Variants in LYPLAL1 observed in about 807,000 individuals in gnomAD.
LYPLAL1 encodes lysophospholipase-like protein 1.
LYPLAL1 carries 23 observed loss-of-function variants against 19.7 expected under a neutral mutation model. The ratio of observed to expected loss-of-function variants is 1.17; its 90% CI spans 0.84 to 1.65. LYPLAL1 has a LOEUF of 1.65. LYPLAL1 is among the 40% of genes most tolerant of loss of function. LYPLAL1 has a pLI of 0.00. For missense variants in LYPLAL1, 355 were observed against 279.4 expected (o/e 1.27, Z -1.93); for synonymous variants, 119 against 96.3 (o/e 1.24, Z -1.38).
At chr1:219,361,569 G>T in the LYPLAL1 span, among the ~76,000 whole-genome samples, 1 of 151,902 alleles carries the variant, frequency 6.6e-6, no homozygotes, top group South Asian at 2.1e-4. Flanking sequence ...TCCAGGCTTT[G>T]GGCTCCTTCA....
rs79689827 is a variant in LYPLAL1, at chr1:219,187,253, G to C, written c.192-5829G>C. On this transcript the variant is annotated intron_variant, in intron 2 of 4. Coordinates refer to ENST00000366928, the MANE Select transcript of LYPLAL1 (RefSeq NM_138794.5). ...CTATTACAGCATATAAGTGTGTTTT[G>C]ATTAAATTGTGAATTACCATTTTGA... 4.0e-4 allele frequency among the ~76,000 whole-genome samples: 60 copies of C among 151,620 alleles called. No individual in the cohort carries two copies. The East Asian group carries it at 0.011, about 28-fold the overall frequency.
At chr1:219,190,009 G>A (rs147319187) in intron 2 of LYPLAL1, among the ~76,000 whole-genome samples, 14 of 151,474 alleles carry the variant, frequency 9.2e-5, no homozygotes, top group African/African-American at 2.9e-4. Flanking sequence ...TATGATTAAC[G>A]TTATATACTA....
chr1:219,406,458 G>T, the LYPLAL1 span, among the ~76,000 whole-genome samples: 1 of 152,160 alleles, frequency 6.6e-6, no homozygotes, highest in Admixed American at 6.5e-5. Context: ...TGGTTAATAA[G>T]ATTAGGACCT....
At chr1:219,258,836 C>G in the LYPLAL1 span, among the ~76,000 whole-genome samples, 1 of 151,924 alleles carries the variant, frequency 6.6e-6, no homozygotes, top group Non-Finnish European at 1.5e-5. Context: ...AACAGATAAC[C>G]CACAGAGTGG....
At chr1:219,251,033 G>T in the LYPLAL1 span, among the ~76,000 whole-genome samples, 1 of 152,030 alleles carries the variant, frequency 6.6e-6, no homozygotes, top group Non-Finnish European at 1.5e-5. Flanking sequence ...TTATGGCTTT[G>T]ATTTTCATTT....
the LYPLAL1 span, among the ~76,000 whole-genome samples, chr1:219,300,957 T>C: frequency 6.6e-6 from 1 of 151,954 alleles, no homozygotes; most frequent in South Asian, 2.1e-4. Flanking sequence ...AGTGGTGGCA[T>C]GCACCTGCAG....
the LYPLAL1 span, among the ~76,000 whole-genome samples, chr1:219,280,067 A>T: frequency 1.3e-5 from 2 of 152,240 alleles, no homozygotes; most frequent in Non-Finnish European, 2.9e-5. Flanking sequence ...TGAATATTAC[A>T]TAGGCAGACA....
the LYPLAL1 span, among the ~76,000 whole-genome samples, chr1:219,379,147 C>T: frequency 6.6e-6 from 1 of 152,040 alleles, no homozygotes; most frequent in Non-Finnish European, 1.5e-5. Flanking sequence ...AACAAATGTC[C>T]TAAGGGGATT....
chr1:219,250,258 T>C, the LYPLAL1 span, among the ~76,000 whole-genome samples: 1 of 151,926 alleles, frequency 6.6e-6, no homozygotes, highest in Non-Finnish European at 1.5e-5. Context: ...CATAGAACCA[T>C]TTACTGAAAT....
chr1:219,284,718 A>G, the LYPLAL1 span, among the ~76,000 whole-genome samples: 1 of 152,192 alleles, frequency 6.6e-6, no homozygotes, highest in Non-Finnish European at 1.5e-5. Context: ...CTTTATTTTA[A>G]AGATGCAGAA....
At chr1:219,392,878 C>T in the LYPLAL1 span, among the ~76,000 whole-genome samples, 5 of 152,082 alleles carry the variant, frequency 3.3e-5, no homozygotes, top group Admixed American at 6.5e-5. Context: ...ATAAAACTAA[C>T]TCAGATACCT....
the LYPLAL1 span, chr1:219,437,028 G>A: frequency 4.5e-4 from 68 of 152,334 alleles, 1 homozygote; most frequent in African/African-American, 1.2e-3. Flanking sequence ...CTGGGTGCCT[G>A]TGAAGTTCTA....
At chr1:219,440,358 G>A in the LYPLAL1 span, among the ~76,000 whole-genome samples, 1 of 151,972 alleles carries the variant, frequency 6.6e-6, no homozygotes. Context: ...ACCCAGGATC[G>A]ATGTGTATTC....
chr1:219,342,694 A>G, the LYPLAL1 span, among the ~76,000 whole-genome samples: 1 of 152,200 alleles, frequency 6.6e-6, no homozygotes, highest in Non-Finnish European at 1.5e-5. Flanking sequence ...CTGCATAAAG[A>G]CAAGACTGCT....
rs559049493 is a variant in LYPLAL1, at chr1:219,212,165, T to C, written c.*437T>C. ...AGGTTTATAAACCGGTTTCACATTA[T>C]TTCATTTGATCATCACAAGAGCTTT... On this transcript the variant is annotated 3_prime_UTR_variant, in exon 5 of 5. Transcript: ENST00000366928. 6.5e-6 allele frequency: 1 copy of C among 153,336 alleles called. No individual in the cohort carries two copies. The highest frequency in any genetic ancestry group is 2.0e-4 in the South Asian group (1 of 4,904). 9.5% of individuals were successfully genotyped at this position (153,336 alleles called of 1,614,324 possible).
the LYPLAL1 span, among the ~76,000 whole-genome samples, chr1:219,336,398 T>G: frequency 1.3e-5 from 2 of 151,872 alleles, no homozygotes; most frequent in Admixed American, 6.6e-5. Context: ...ATGACACCTA[T>G]TTTATTGTGT....
chr1:219,225,720 G>A, the LYPLAL1 span, among the ~76,000 whole-genome samples: 1 of 152,110 alleles, frequency 6.6e-6, no homozygotes, highest in Non-Finnish European at 1.5e-5. Context: ...ATGTTAGTCT[G>A]TCTTCAGAAT....
At chr1:219,286,412 A>C in the LYPLAL1 span, among the ~76,000 whole-genome samples, 1 of 152,226 alleles carries the variant, frequency 6.6e-6, no homozygotes, top group Non-Finnish European at 1.5e-5. Flanking sequence ...TATGATATGA[A>C]AACAAGCACA....
intron 2 of LYPLAL1, among the ~76,000 whole-genome samples, chr1:219,182,140 G>C (rs1656344927): frequency 6.6e-6 from 1 of 152,148 alleles, no homozygotes; most frequent in African/African-American, 2.4e-5. Context: ...GCAATAGATT[G>C]AGTGAGCACC....
Sources: gnomAD v4.1 joint callset for allele counts (sites outside exome capture counted in the v4.1 genomes callset) on GRCh38, gnomAD v4.1.1 for gene constraint, MANE v1.5 for transcripts, NCBI Gene and HGNC (gene_info 2026-07-23, HGNC 2026-07-21) for gene names.